Variants in TNIK observed in about 807,000 individuals in gnomAD.
TNIK encodes TRAF2 and NCK-interacting protein kinase.
TNIK carries 49 observed loss-of-function variants against 191.3 expected under a neutral mutation model. That is an observed-to-expected ratio of 0.26 (90% CI 0.20 to 0.32). The LOEUF (loss-of-function observed/expected upper bound fraction) is 0.32, where lower values mean the gene tolerates loss of function less well. TNIK is among the 10% of genes least tolerant of loss of function. TNIK has a pLI of 1.00. For missense variants in TNIK, 1,155 were observed against 1,702.3 expected, an observed-to-expected ratio of 0.68 and a Z score of 5.66; for synonymous variants, 594 against 600.9, an observed-to-expected ratio of 0.99 and a Z score of 0.17.
At chr3:171,304,283 A>G (rs1047961917) in intron 2 of TNIK, among the ~76,000 whole-genome samples, 6 of 152,162 alleles carry the variant, frequency 3.9e-5, no homozygotes. Flanking sequence ...ATTCCATCAG[A>G]GAAATGCAAA....
At chr3:171,308,389 C>T (rs1753686057) in intron 2 of TNIK, among the ~76,000 whole-genome samples, 1 of 152,068 alleles carries the variant, frequency 6.6e-6, no homozygotes, top group Admixed American at 6.6e-5. Context: ...CCCTTCCTTA[C>T]ACCACACACA....
At chr3:171,317,107 T>C (rs756288423) in intron 2 of TNIK, among the ~76,000 whole-genome samples, 2 of 151,780 alleles carry the variant, frequency 1.3e-5, no homozygotes, top group African/African-American at 2.4e-5. Flanking sequence ...AAATTTCTTC[T>C]CCAGAGAATG....
In TNIK at chr3:171,060,513, CTT is replaced by C. The variant is rs1457429953; in HGVS notation, c.*3366_*3367del. On this transcript the variant is annotated 3_prime_UTR_variant, in exon 33 of 33. Transcript: ENST00000436636. ...TGACCTTGTGAGATTTCACCCATAA[CTT>C]AATATACCCTGTTTAATAAAAATAA... Among the ~76,000 whole-genome samples, 12 of 152,200 alleles carry C rather than the reference CTT, an allele frequency of 7.9e-5. No individual in the cohort carries two copies. Among genetic ancestry groups the C allele is most frequent in the African/African-American group, 1.7e-4 (7 of 41,444 alleles).
At chr3:171,215,741 G>A (rs1294527369) in intron 3 of TNIK, among the ~76,000 whole-genome samples, 2 of 152,166 alleles carry the variant, frequency 1.3e-5, no homozygotes, top group African/African-American at 2.4e-5. Context: ...GGGATTTTAA[G>A]TTGCATATTT....
At chr3:171,419,330 G>A (rs1723465630) in intron 1 of TNIK, among the ~76,000 whole-genome samples, 1 of 152,212 alleles carries the variant, frequency 6.6e-6, no homozygotes, top group Admixed American at 6.5e-5. Context: ...AAGTAGATTA[G>A]TGATTGTTTA....
At chr3:171,162,102 G>T (rs1055548612) in intron 10 of TNIK, among the ~76,000 whole-genome samples, 3 of 151,938 alleles carry the variant, frequency 2.0e-5, no homozygotes, top group Non-Finnish European at 2.9e-5. Flanking sequence ...GTGCAACAAA[G>T]AAACTTTTGA....
At chr3:171,255,455 G>A (rs563660598) in intron 2 of TNIK, among the ~76,000 whole-genome samples, 3 of 152,208 alleles carry the variant, frequency 2.0e-5, no homozygotes, top group East Asian at 3.9e-4. Flanking sequence ...TGCAAACTCC[G>A]GATATAAGCT....
At chr3:171,458,472 C>G (rs953775421) in intron 1 of TNIK, among the ~76,000 whole-genome samples, 7 of 152,340 alleles carry the variant, frequency 4.6e-5, no homozygotes, top group East Asian at 3.9e-4. Flanking sequence ...TCTGTTTCTT[C>G]TCAACTCCTT....
At chr3:171,443,566 G>GCTC (rs1377057345) in intron 1 of TNIK, among the ~76,000 whole-genome samples, 2 of 151,984 alleles carry the variant, frequency 1.3e-5, no homozygotes, top group African/African-American at 2.4e-5. Context: ...CAGCACACTG[G>GCTC]CTCCTACCTG....
rs1007428567 is a variant in TNIK at position 171,161,722 on chromosome 3, T to G, written c.950-386A>C. On this transcript the variant is annotated intron_variant, in intron 10 of 32. Transcript: ENST00000436636. ...TCACAAGGTCAGGAGATCGAGACCA[T>G]CCTGGCTAACATGGCAAAACCCCGT... is the stretch of plus-strand genomic sequence containing the variant. Among the ~76,000 whole-genome samples the G allele has an allele frequency of 3.3e-5, 5 of 151,894 alleles. No homozygotes were observed. In the East Asian group the frequency reaches 7.8e-4, roughly 24 times the overall value.
intron 1 of TNIK, among the ~76,000 whole-genome samples, chr3:171,440,696 C>G (rs2422299): frequency 0.23 from 34,438 of 152,118 alleles, 4,514 homozygotes; most frequent in East Asian, 0.6. Context: ...CTTTGTGGAG[C>G]TTATAGTCTC....
intron 1 of TNIK, among the ~76,000 whole-genome samples, chr3:171,424,306 A>T (rs1271412675): frequency 1.3e-5 from 2 of 152,160 alleles, no homozygotes; most frequent in Admixed American, 1.3e-4. Flanking sequence ...CCAGTTAGAA[A>T]GGCGATCATT....
At chr3:171,410,359 C>A (rs1049580486) in intron 1 of TNIK, among the ~76,000 whole-genome samples, 13 of 152,206 alleles carry the variant, frequency 8.5e-5, no homozygotes, top group African/African-American at 2.4e-5. Context: ...CTGGCTGACA[C>A]CTCTCTCCAT....
chr3:171,269,979 A>G (rs976972489), intron 2 of TNIK, among the ~76,000 whole-genome samples: 32 of 152,170 alleles, frequency 2.1e-4, no homozygotes, highest in African/African-American at 7.2e-4. Context: ...CATCTATGAG[A>G]TCAGTCATAC....
chr3:171,308,120 C>A (rs142014720), intron 2 of TNIK, among the ~76,000 whole-genome samples: 207 of 152,128 alleles, frequency 1.4e-3, no homozygotes, highest in African/African-American at 3.8e-3. Context: ...GTAGTGAAAA[C>A]AATCCTAGGA....
chr3:171,126,506 C>T (rs1477965350), intron 16 of TNIK, among the ~76,000 whole-genome samples: 1 of 152,140 alleles, frequency 6.6e-6, no homozygotes, highest in Non-Finnish European at 1.5e-5. Flanking sequence ...CTTTAAAACC[C>T]CTAACTTTTA....
chr3:171,351,038 G>A (rs1033465645), intron 2 of TNIK, among the ~76,000 whole-genome samples: 2 of 151,896 alleles, frequency 1.3e-5, no homozygotes, highest in Non-Finnish European at 1.5e-5. Context: ...CTACAGGCAC[G>A]TGCCTCTACA....
At chr3:171,328,563 A>G (rs1756068865) in intron 2 of TNIK, among the ~76,000 whole-genome samples, 3 of 152,234 alleles carry the variant, frequency 2.0e-5, no homozygotes, top group Admixed American at 2.0e-4. Context: ...ATGTTTTGGC[A>G]GGAATCAAAT....
Position 171,341,386 on chromosome 3 carries a change from C to T in TNIK, c.123+28234G>A, listed in dbSNP as rs188097559. Reference sequence around the variant, plus strand: ...ATTTGGGAGGCTGAGGCAGGAGAATCGCTTGAACCCAGGAGGCAGAGGTTG... The same window carrying T: ...ATTTGGGAGGCTGAGGCAGGAGAATTGCTTGAACCCAGGAGGCAGAGGTTG... On this transcript the variant is annotated intron_variant, in intron 2 of 32. Transcript: ENST00000436636. Among the ~76,000 whole-genome samples, 10 of 139,986 alleles carry T rather than the reference C, an allele frequency of 7.1e-5. No individual in the cohort carries two copies. In the East Asian group the frequency reaches 1.6e-3, roughly 22 times the overall value. The allele number at this position is 139,986 out of a possible 152,430, so 91.8% of individuals were successfully genotyped here. A position where few individuals can be genotyped will look rare whatever the true frequency, so the allele number is the denominator to read the frequency against.
Sources: gnomAD v4.1 joint callset for allele counts (sites outside exome capture counted in the v4.1 genomes callset) on GRCh38, gnomAD v4.1.1 for gene constraint, MANE v1.5 for transcripts, NCBI Gene and HGNC (gene_info 2026-07-23, HGNC 2026-07-21) for gene names.